Variants in AP3D1 observed in about 807,000 individuals in gnomAD.
AP3D1 encodes the protein adaptor related protein complex 3 subunit delta 1, also known as AP-3 complex subunit delta-1.
Under a neutral mutation model 147.6 loss-of-function variants are expected in AP3D1, and 51 were observed. The observed-to-expected ratio is 0.35, with a 90% CI of 0.28 to 0.44. The LOEUF is 0.44. Among genes scored for constraint, AP3D1 ranks in the 20% least tolerant of loss-of-function variants. AP3D1 has a pLI of 1.00. For missense variants in AP3D1, 1,421 were observed against 1,624.2 expected (o/e 0.87, Z 2.15); for synonymous variants, 760 against 663.0 (o/e 1.15, Z -2.25).
At chr19:2,139,960 G>C (rs572600883) in intron 1 of AP3D1, among the ~76,000 whole-genome samples, 1 of 152,162 alleles carries the variant, frequency 6.6e-6, no homozygotes, top group South Asian at 2.1e-4. Flanking sequence ...ACAGCTGTGG[G>C]GGAGTGGGGG....
chr19:2,138,079 A>T lies in AP3D1; in HGVS notation c.193-272T>A, dbSNP rs1181982865. Reference sequence around the variant, plus strand: ...TAACTGGCGCTTACGGGTACTGGCTACATTCCCCTACCAACCCTTGGCGAA... The same window carrying T: ...TAACTGGCGCTTACGGGTACTGGCTTCATTCCCCTACCAACCCTTGGCGAA... On this transcript the variant is annotated intron_variant, in intron 2 of 31. Transcript: ENST00000643116. Among the ~76,000 whole-genome samples the T allele has an allele frequency of 4.6e-5, 7 of 152,350 alleles. No individual in the cohort carries two copies. The East Asian group carries it at 1.3e-3, about 29-fold the overall frequency.
chr19:2,136,710 G>C (rs2019085398), intron 4 of AP3D1, among the ~76,000 whole-genome samples: 1 of 152,216 alleles, frequency 6.6e-6, no homozygotes, highest in Admixed American at 6.5e-5. Flanking sequence ...TGACCGCAGA[G>C]GCCAGCTGCG....
intron 1 of AP3D1, among the ~76,000 whole-genome samples, chr19:2,146,070 A>G (rs977479435): frequency 2.6e-5 from 4 of 152,016 alleles, no homozygotes; most frequent in Non-Finnish European, 5.9e-5. Context: ...GTCCATTCAT[A>G]AAACGACCCC....
In AP3D1 at chr19:2,116,278, G is replaced by A. The variant is rs370822063; in HGVS notation, c.2002C>T (p.Arg668Cys). The A allele has an allele frequency of 2.5e-5, 40 of 1,613,694 alleles. No individual in the cohort carries two copies. The highest frequency in any genetic ancestry group is 5.5e-5 in the South Asian group (5 of 91,062). ...SEADEEELAR[R>C]REARKQEQAN... is the part of the protein sequence containing the mutation. ...TGCTCCTGCTTCCGGGCCTCTCGGC[G>A]CTGTGGGACACAGCTTGGCATGAGC... Residue 668 changes from arginine (R) to cysteine (C), a missense_variant and splice_region_variant, in exon 18 of 32, where the codon CGC (arginine) becomes TGC (cysteine). By Grantham distance (180) the Arg-to-Cys change is radical (BLOSUM62 -3). Around this residue, in one of 6 missense-constraint regions of AP3D1, gnomAD observed 791 missense variants for 761.4 expected, o/e 1.04. Coordinates refer to ENST00000643116, the MANE Select transcript of AP3D1 (RefSeq NM_001261826.3).
intron 1 of AP3D1, among the ~76,000 whole-genome samples, chr19:2,145,136 C>G (rs2144551581): frequency 6.6e-6 from 1 of 152,324 alleles, no homozygotes; most frequent in South Asian, 2.1e-4. Flanking sequence ...CTTGGCTCAG[C>G]AGCATCACAG....
chr19:2,107,831 G>C lies in AP3D1; in HGVS notation c.3552+856C>G, dbSNP rs148538566. Among the ~76,000 whole-genome samples, 54 of 152,132 alleles carry C rather than the reference G, an allele frequency of 3.5e-4. No individual in the cohort carries two copies. The Middle Eastern group carries it at 0.014, about 39-fold the overall frequency. ...CAAACCGTGACCATCAGAACGGAAA[G>C]TGACCCGGTATCATCACAAGGAGCA... On this transcript the variant is annotated intron_variant, in intron 31 of 31. Transcript: ENST00000643116.
intron 1 of AP3D1, among the ~76,000 whole-genome samples, chr19:2,144,789 G>A (rs1423876774): frequency 6.6e-6 from 1 of 152,120 alleles, no homozygotes; most frequent in African/African-American, 2.4e-5. Flanking sequence ...TGTAATCCCA[G>A]CTACTCAGGA....
chr19:2,113,169 T>A (rs970669639), intron 23 of AP3D1, 167 bp downstream of exon 23: 1 of 627,454 alleles, frequency 1.6e-6, no homozygotes, highest in African/African-American at 1.9e-5. Context: ...CTTGGCCCAC[T>A]GGGACCCGGG....
rs1466071248 is a variant in AP3D1 at position 2,137,793 on chromosome 19, T to C, written c.207A>G (p.Gly69=). The change falls in exon 3 of 32, where the codon GGA becomes GGG. Residue 69 remains glycine (G), a synonymous_variant. Coordinates refer to ENST00000643116, the MANE Select transcript of AP3D1 (RefSeq NM_001261826.3). ...TGAAGGCGGCCCAGCTGATGTCGTA[T>C]CCCAACATCTGTAACTGTTAAGGGA... is the stretch of plus-strand genomic sequence containing the variant. ...VCKLTYLQML[G]YDISWAAFNI... 3.1e-6 allele frequency: 5 copies of C among 1,613,818 alleles called. No individual in the cohort carries two copies. Among genetic ancestry groups the C allele is most frequent in the Admixed American group, 1.7e-5 (1 of 59,986 alleles).
chr19:2,137,008 C>A lies in AP3D1; in HGVS notation c.354+3G>T. 6.3e-7 allele frequency: 1 copy of A among 1,584,942 alleles called. No individual in the cohort carries two copies. The highest frequency in any genetic ancestry group is 8.6e-7 in the Non-Finnish European group (1 of 1,165,866). On this transcript the variant is annotated splice_donor_region_variant and intron_variant, in intron 4 of 31. Coordinates refer to ENST00000643116, the MANE Select transcript of AP3D1 (RefSeq NM_001261826.3). ...AGAGCGGCCCCGGCCCGGGAACACCCACCTTACGGATCTGATTGGTGGTCA... is the reference window on the plus strand; with the variant it reads ...AGAGCGGCCCCGGCCCGGGAACACCAACCTTACGGATCTGATTGGTGGTCA...
intron 8 of AP3D1, among the ~76,000 whole-genome samples, chr19:2,128,446 TGCACCCC>T (rs2018824308): frequency 1.6e-5 from 2 of 128,990 alleles, no homozygotes; most frequent in Admixed American, 7.5e-5. Flanking sequence ...ACTCCAGCAC[TGCACCCC>T]GTGGAGCCGG....
intron 1 of AP3D1, among the ~76,000 whole-genome samples, chr19:2,163,415 C>T (rs2019775962): frequency 6.6e-6 from 1 of 151,970 alleles, no homozygotes; most frequent in Non-Finnish European, 1.5e-5. Flanking sequence ...TGGTCTCGAA[C>T]TCCTGACCTC....
At chr19:2,146,469 TGGC>T (rs1201405721) in intron 1 of AP3D1, among the ~76,000 whole-genome samples, 1 of 152,030 alleles carries the variant, frequency 6.6e-6, no homozygotes, top group Non-Finnish European at 1.5e-5. Flanking sequence ...CCAGGTGTGA[TGGC>T]GGCCACCTGT....
chr19:2,104,567 C>T (rs1318922176), intron 31 of AP3D1, among the ~76,000 whole-genome samples: 1 of 152,008 alleles, frequency 6.6e-6, no homozygotes, highest in East Asian at 1.9e-4. Context: ...AATGCCAAGG[C>T]CATTGGCAGA....
At chr19:2,117,727 C>G (rs1249454149) in intron 15 of AP3D1, among the ~76,000 whole-genome samples, 2 of 152,256 alleles carry the variant, frequency 1.3e-5, no homozygotes, top group Non-Finnish European at 2.9e-5. Flanking sequence ...GGCTGGGCAG[C>G]TCCAACAGTG....
intron 8 of AP3D1, among the ~76,000 whole-genome samples, chr19:2,128,238 A>G (rs1471781348): frequency 1.3e-5 from 2 of 152,136 alleles, no homozygotes; most frequent in African/African-American, 4.8e-5. Context: ...GGCTCCTAAC[A>G]TAGGATCCCA....
At chr19:2,136,439 G>T (rs1219309026) in intron 4 of AP3D1, among the ~76,000 whole-genome samples, 1 of 152,186 alleles carries the variant, frequency 6.6e-6, no homozygotes, top group African/African-American at 2.4e-5. Context: ...CCCATGAAAA[G>T]GGTGGGCCTG....
chr19:2,154,131 A>G (rs558756761), upstream of AP3D1, among the ~76,000 whole-genome samples: 37 of 152,044 alleles, frequency 2.4e-4, no homozygotes, highest in East Asian at 6.8e-3. Context: ...TATTTTTAGT[A>G]GAGACTGGGT....
At position 2,151,388 on chromosome 19, in the gene AP3D1, G is replaced by T; in HGVS notation, c.-54C>A. ...GAGGCCCGCGGCTGGGCGCCGTGAG[G>T]GGGCCCGGGGCCCGTGCCTGCCGCC... On this transcript the variant is annotated 5_prime_UTR_variant, in exon 1 of 32. Coordinates refer to ENST00000643116, the MANE Select transcript of AP3D1 (RefSeq NM_001261826.3). 1 of 1,215,474 alleles carries T rather than the reference G, an allele frequency of 8.2e-7. No homozygotes were observed. The allele number at this position is 1,215,474 out of a possible 1,614,324, so 75.3% of individuals were successfully genotyped here. A position where few individuals can be genotyped will look rare whatever the true frequency, so the allele number is the denominator to read the frequency against.
Sources: gnomAD v4.1 joint callset for allele counts (sites outside exome capture counted in the v4.1 genomes callset) on GRCh38, gnomAD v4.1.1 for gene constraint, gnomAD v4.1.1 regional missense constraint, MANE v1.5 for transcripts, NCBI Gene and HGNC (gene_info 2026-07-23, HGNC 2026-07-21) for gene names.